DIO1: variants seen among roughly 807,000 people sequenced by gnomAD.
The protein encoded by DIO1 is type I iodothyronine deiodinase.
DIO1 carries 17 observed loss-of-function variants against 25.9 expected under a neutral mutation model. The observed-to-expected ratio is 0.66, with a 90% CI of 0.45 to 0.98. The LOEUF (loss-of-function observed/expected upper bound fraction) is 0.98, where lower values mean the gene tolerates loss of function less well. DIO1 is among the 50% of genes least tolerant of loss of function. The pLI, the probability that DIO1 is intolerant of heterozygous loss-of-function variation, is 0.00. For synonymous variants in DIO1, 115 were observed against 114.0 expected (o/e 1.01, Z -0.05); for missense variants, 270 against 310.4 (o/e 0.87, Z 0.98).
At chr1:53,900,275 C>G (rs1433214081) in intron 1 of DIO1, among the ~76,000 whole-genome samples, 3 of 152,142 alleles carry the variant, frequency 2.0e-5, no homozygotes, top group Non-Finnish European at 4.4e-5. Context: ...TTCCGTTTTC[C>G]CCTCCTGTTC....
intron 3 of DIO1, among the ~76,000 whole-genome samples, chr1:53,907,660 C>T (rs1187982037): frequency 6.6e-6 from 1 of 152,148 alleles, no homozygotes; most frequent in African/African-American, 2.4e-5. Context: ...GCCTGTAATC[C>T]CAGCACTTTG....
intron 1 of DIO1, among the ~76,000 whole-genome samples, chr1:53,895,924 C>T (rs1044783191): frequency 2.6e-5 from 4 of 152,148 alleles, no homozygotes; most frequent in Admixed American, 1.3e-4. Flanking sequence ...GACACCTTGT[C>T]CTCCATGAAG....
chr1:53,894,874 T>C lies in DIO1; in HGVS notation c.337+327T>C, dbSNP rs756596006. 1.3e-5 allele frequency among the ~76,000 whole-genome samples: 2 copies of C among 152,210 alleles called. No homozygotes were observed. The highest frequency in any genetic ancestry group is 2.9e-5 in the Non-Finnish European group (2 of 68,030). On this transcript the variant is annotated intron_variant, in intron 1 of 3. Coordinates refer to ENST00000361921, the MANE Select transcript of DIO1 (RefSeq NM_000792.7). This position sits in a 1 kb window ranked among gnomAD's most constrained non-coding sequence, Gnocchi z 4.9. ...TAACTCTTGTTCAATCTTCAGACTGTTGCTCAATGACGCTTCTTTCGAGAA... is the reference window on the plus strand; with the variant it reads ...TAACTCTTGTTCAATCTTCAGACTGCTGCTCAATGACGCTTCTTTCGAGAA...
Position 53,894,546 on chromosome 1 carries a change from AG to A in DIO1, c.337+1del. On this transcript the variant is annotated frameshift_variant and splice_region_variant, in exon 1 of 4. Coordinates refer to ENST00000361921, the MANE Select transcript of DIO1 (RefSeq NM_000792.7). LOFTEE classifies it high-confidence loss of function. The surrounding 1 kb of genome is among the most constrained non-coding windows in gnomAD (Gnocchi z 4.9). ...QRCNIWEFMQ[G>X]NRPLVLNFGS... ...GGTGCAACATTTGGGAGTTTATGCA[AG>A]GTCAGGAGGCTGCCACACACTTGAG... 6.2e-7 allele frequency: 1 copy of A among 1,611,430 alleles called. No homozygotes were observed. Among genetic ancestry groups the A allele is most frequent in the South Asian group, 1.1e-5 (1 of 90,808 alleles).
chr1:53,910,564 C>T lies in DIO1; in HGVS notation c.*565C>T, dbSNP rs1193363952. 1.3e-5 allele frequency: 2 copies of T among 155,454 alleles called. No individual in the cohort carries two copies. The highest frequency in any genetic ancestry group is 4.8e-5 in the African/African-American group (2 of 41,472). 9.6% of individuals were successfully genotyped at this position (155,454 alleles called of 1,614,324 possible). On this transcript the variant is annotated 3_prime_UTR_variant, in exon 4 of 4. Coordinates refer to ENST00000361921, the MANE Select transcript of DIO1 (RefSeq NM_000792.7). ...AGGAGGGATTAGAAACAGGAGGAGG[C>T]AGTCATCCTCTCCTTGCCAAAAGAT... is the stretch of plus-strand genomic sequence containing the variant.
chr1:53,909,364 C>A (rs1569746004), intron 3 of DIO1, among the ~76,000 whole-genome samples: 1 of 146,854 alleles, frequency 6.8e-6, no homozygotes, highest in African/African-American at 2.5e-5. Flanking sequence ...TGCAGTGAAT[C>A]AAGATTGCGC....
chr1:53,904,265 T>C lies in DIO1; in HGVS notation c.338-401T>C, dbSNP rs112722762. 2.5e-3 allele frequency among the ~76,000 whole-genome samples: 376 copies of C among 152,294 alleles called. 2 individuals carry two copies. The highest frequency in any genetic ancestry group is 8.8e-3 in the African/African-American group (366 of 41,556). ...CTCCTCACTGACCTGCTGTGTGACC[T>C]GGAGCAAATGTGTAAAACTCAGTTT... On this transcript the variant is annotated intron_variant, in intron 1 of 3. Coordinates refer to ENST00000361921, the MANE Select transcript of DIO1 (RefSeq NM_000792.7).
rs532184856 is a variant in DIO1 at position 53,907,904 on chromosome 1, T to G, written c.681+1610T>G. Reference sequence around the variant, plus strand: ...CCAGCCTGAGCAACAAGAGTGAAACTCTGTCTCGGAAAAAAAAAAAAAAAA... The same window carrying G: ...CCAGCCTGAGCAACAAGAGTGAAACGCTGTCTCGGAAAAAAAAAAAAAAAA... On this transcript the variant is annotated intron_variant, in intron 3 of 3. Coordinates refer to ENST00000361921, the MANE Select transcript of DIO1 (RefSeq NM_000792.7). Among the ~76,000 whole-genome samples, 640 of 76,726 alleles carry G rather than the reference T, an allele frequency of 8.3e-3. 2 individuals are homozygous for G. Among genetic ancestry groups the G allele is most frequent in the Non-Finnish European group, 0.011 (474 of 42,424 alleles). 50.3% of individuals were successfully genotyped at this position (76,726 alleles called of 152,430 possible). A position where few individuals can be genotyped will look rare whatever the true frequency, so the allele number is the denominator to read the frequency against.
chr1:53,905,031 C>T (rs763164498), intron 2 of DIO1, among the ~76,000 whole-genome samples: 2 of 152,152 alleles, frequency 1.3e-5, no homozygotes, highest in Non-Finnish European at 2.9e-5. Context: ...CCTGGAGTGA[C>T]AGGGTCTGGC....
At chr1:53,908,093 G>A (rs552640331) in intron 3 of DIO1, among the ~76,000 whole-genome samples, 2 of 150,010 alleles carry the variant, frequency 1.3e-5, no homozygotes, top group South Asian at 4.2e-4. Context: ...ATGGTGGCAT[G>A]TGCCTATAAT....
At chr1:53,895,875 C>T (rs1475666713) in intron 1 of DIO1, among the ~76,000 whole-genome samples, 1 of 152,202 alleles carries the variant, frequency 6.6e-6, no homozygotes, top group South Asian at 2.1e-4. Flanking sequence ...TCTCCATCGT[C>T]GTCTATATCC....
At chr1:53,900,383 C>T (rs762148979) in intron 1 of DIO1, among the ~76,000 whole-genome samples, 2 of 152,154 alleles carry the variant, frequency 1.3e-5, no homozygotes, top group Admixed American at 6.5e-5. Context: ...GCCGGTGAAT[C>T]GCTTGAGGTC....
At position 53,906,500 on chromosome 1, in the gene DIO1, C is replaced by T. The variant is rs568935538; in HGVS notation, c.681+206C>T. On this transcript the variant is annotated intron_variant, in intron 3 of 3. Transcript: ENST00000361921. ...AATGGGAATGTTGGTCTCCACCTCACGGGGGATGAAATAATGCACACGAAT... is the reference window on the plus strand; with the variant it reads ...AATGGGAATGTTGGTCTCCACCTCATGGGGGATGAAATAATGCACACGAAT... Among the ~76,000 whole-genome samples, 19 of 152,304 alleles carry T rather than the reference C, an allele frequency of 1.2e-4. No homozygotes were observed. In the South Asian group the frequency reaches 1.9e-3, roughly 15 times the overall value.
In DIO1 at chr1:53,910,794, AC is replaced by A. The variant is rs1651910539; in HGVS notation, c.*797del. 6.6e-6 allele frequency: 1 copy of A among 152,440 alleles called. No homozygotes were observed. Among genetic ancestry groups the A allele is most frequent in the South Asian group, 2.1e-4 (1 of 4,830 alleles). 9.4% of individuals were successfully genotyped at this position (152,440 alleles called of 1,614,324 possible). A position where few individuals can be genotyped will look rare whatever the true frequency, so the allele number is the denominator to read the frequency against. On this transcript the variant is annotated 3_prime_UTR_variant, in exon 4 of 4. Transcript: ENST00000361921. The stretch of plus-strand genomic sequence containing the variant: ...GGAGGGTTGGCTTCCCAAAAGCATA[AC>A]CTTGACCAAACCAAACAATAGGCAC...
At chr1:53,906,328 C>T (rs550780319) in intron 3 of DIO1, 34 bp downstream of exon 3, 1 of 1,574,960 alleles carries the variant, frequency 6.3e-7, no homozygotes, top group East Asian at 2.3e-5. Flanking sequence ...CCAGGGAGGG[C>T]AAAGGGGCCC....
intron 3 of DIO1, among the ~76,000 whole-genome samples, chr1:53,908,372 G>T (rs1183649559): frequency 6.6e-6 from 1 of 152,180 alleles, no homozygotes; most frequent in Non-Finnish European, 1.5e-5. Context: ...TCTGTATAGG[G>T]CCTGATAGTA....
Position 53,894,485 on chromosome 1 carries a change from C to T in DIO1, c.275C>T (p.Ala92Val), listed in dbSNP as rs1465704305. The change falls in exon 1 of 4, where the codon GCC becomes GTC. Residue 92 changes from alanine (A) to valine (V), a missense_variant. Ala to Val is a moderately conservative substitution (Grantham distance 64). Coordinates refer to ENST00000361921, the MANE Select transcript of DIO1 (RefSeq NM_000792.7). This position sits in a 1 kb window ranked among gnomAD's most constrained non-coding sequence, Gnocchi z 4.9. ...GACACGACTGAGCTAGGGGGTCTGG[C>T]CCCAAACTGCCCGGTGGTCCGCCTC... ...LEDTTELGGLAPNCPVVRLSG... is the reference protein window; with the variant it reads ...LEDTTELGGLVPNCPVVRLSG... 1 of 1,614,200 alleles carries T rather than the reference C, an allele frequency of 6.2e-7. No individual in the cohort carries two copies. Among genetic ancestry groups the T allele is most frequent in the Admixed American group, 1.7e-5 (1 of 60,016 alleles).
chr1:53,896,935 A>G (rs1428343484), intron 1 of DIO1, among the ~76,000 whole-genome samples: 6 of 152,230 alleles, frequency 3.9e-5, no homozygotes, highest in African/African-American at 1.4e-4. Flanking sequence ...TTTAAACCAC[A>G]GTGCACAAAT....
chr1:53,897,865 G>A lies in DIO1; in HGVS notation c.337+3318G>A, dbSNP rs1165465109. Among the ~76,000 whole-genome samples, 3 of 152,094 alleles carry A rather than the reference G, an allele frequency of 2.0e-5. No homozygotes were observed. In the East Asian group the frequency reaches 5.8e-4, roughly 29 times the overall value. ...AAGACCTTGTCTCAAAAATAAATAA[G>A]TAAATAAAATTAAAAATTTTTAATG... On this transcript the variant is annotated intron_variant, in intron 1 of 3. Coordinates refer to ENST00000361921, the MANE Select transcript of DIO1 (RefSeq NM_000792.7).
Sources: gnomAD v4.1 joint callset for allele counts (sites outside exome capture counted in the v4.1 genomes callset) on GRCh38, gnomAD v4.1.1 for gene constraint, Gnocchi (gnomAD v3.1) non-coding constraint, MANE v1.5 for transcripts, NCBI Gene and HGNC (gene_info 2026-07-23, HGNC 2026-07-21) for gene names.